The following POLQ variants were observed in gnomAD, a reference collection of about 807,000 sequenced individuals.
The protein encoded by POLQ is epididymis secretory sperm binding protein.
In POLQ, 233 loss-of-function variants were observed where a neutral mutation model predicts 259.2. The ratio of observed to expected loss-of-function variants is 0.90; its 90% confidence interval spans 0.81 to 1.00. The LOEUF is 1.00. Among genes scored for constraint, POLQ ranks in the 50% least tolerant of loss-of-function variants. The pLI, the probability that POLQ is intolerant of heterozygous loss-of-function variation, is 0.00. For synonymous variants in POLQ, 1,025 were observed against 1,048.8 expected (o/e 0.98, Z 0.44); for missense variants, 2,871 against 3,051.6 (o/e 0.94, Z 1.39).
In POLQ at chr3:121,457,680, A is replaced by G. The variant is rs1247300809; in HGVS notation, c.7152+2370T>C. Among the ~76,000 whole-genome samples, 5 of 152,210 alleles carry G rather than the reference A, an allele frequency of 3.3e-5. No homozygotes were observed. In the South Asian group the frequency reaches 8.3e-4, roughly 25 times the overall value. The stretch of plus-strand genomic sequence containing the variant: ...CAGAGAAATGCAAATCAAAACCACA[A>G]TGAGATACCATCTCATACCAGTTAG... On this transcript the variant is annotated intron_variant, in intron 25 of 29. Coordinates refer to ENST00000264233, the MANE Select transcript of POLQ (RefSeq NM_199420.4).
At chr3:121,450,359 TTTTA>T (rs1318017022) in intron 25 of POLQ, among the ~76,000 whole-genome samples, 1 of 151,828 alleles carries the variant, frequency 6.6e-6, no homozygotes, top group Non-Finnish European at 1.5e-5. Flanking sequence ...TTTTTCGCTT[TTTTA>T]TTATTTATTT....
intron 10 of POLQ, among the ~76,000 whole-genome samples, chr3:121,511,094 C>T (rs957400344): frequency 4.6e-5 from 7 of 152,082 alleles, no homozygotes; most frequent in South Asian, 2.1e-4. Flanking sequence ...GGCGTGGTGG[C>T]GGGCGCCTGT....
At chr3:121,539,998 T>C (rs1299211841) in intron 3 of POLQ, among the ~76,000 whole-genome samples, 1 of 152,136 alleles carries the variant, frequency 6.6e-6, no homozygotes, top group African/African-American at 2.4e-5. Flanking sequence ...AATGACCAAT[T>C]TTTTAATGTA....
chr3:121,477,388 T>C (rs1338987646), intron 19 of POLQ, among the ~76,000 whole-genome samples: 2 of 152,210 alleles, frequency 1.3e-5, no homozygotes, highest in Non-Finnish European at 2.9e-5. Context: ...GCTATGTCTA[T>C]AGGTATATAT....
intron 21 of POLQ, among the ~76,000 whole-genome samples, chr3:121,472,371 T>A (rs1294315432): frequency 1.1e-4 from 16 of 152,198 alleles, no homozygotes; most frequent in Admixed American, 9.8e-4. Context: ...TACTGAGCAG[T>A]ATCAATTTAA....
chr3:121,537,346 G>T lies in POLQ; in HGVS notation c.632-138C>A, dbSNP rs74405190. 4.6e-3 allele frequency: 2,876 copies of T among 627,250 alleles called. 66 individuals carry two copies. The African/African-American group carries it at 0.048, about 10-fold the overall frequency. The allele number at this position is 627,250 out of a possible 1,614,324, so 38.9% of individuals were successfully genotyped here. A position where few individuals can be genotyped will look rare whatever the true frequency, so the allele number is the denominator to read the frequency against. On this transcript the variant is annotated intron_variant, in intron 4 of 29. Coordinates refer to ENST00000264233, the MANE Select transcript of POLQ (RefSeq NM_199420.4). ...GATTTGGGGGTACATGTGAAGGTCT[G>T]TTACCTGGGTATATTGTGTAATGCT... is the stretch of plus-strand genomic sequence containing the variant.
At chr3:121,444,057 T>C (rs1407938545) in intron 26 of POLQ, among the ~76,000 whole-genome samples, 1 of 152,220 alleles carries the variant, frequency 6.6e-6, no homozygotes, top group Non-Finnish European at 1.5e-5. Context: ...AGGATAGCTT[T>C]GGCTATTCTA....
intron 16 of POLQ, among the ~76,000 whole-genome samples, chr3:121,486,823 C>G (rs2048015377): frequency 1.3e-5 from 2 of 150,412 alleles, no homozygotes; most frequent in Non-Finnish European, 3.0e-5. Flanking sequence ...AGATCAAGAT[C>G]ACACCACTGC....
intron 7 of POLQ, 40 bp downstream of exon 7, chr3:121,529,605 G>A (rs1319870060): frequency 4.4e-6 from 7 of 1,586,040 alleles, no homozygotes; most frequent in South Asian, 1.1e-5. Context: ...TCAAGCAAAT[G>A]TACTAAGCAT....
intron 25 of POLQ, among the ~76,000 whole-genome samples, chr3:121,455,330 A>G (rs1177992456): frequency 6.9e-6 from 1 of 144,122 alleles, no homozygotes; most frequent in East Asian, 2.0e-4. Flanking sequence ...GAACTAGAAA[A>G]GCAAGAGCAA....
rs746963803 is a variant in POLQ at position 121,545,702 on chromosome 3, G to A, written c.163+13C>T. 1.3e-6 allele frequency: 2 copies of A among 1,542,890 alleles called. No individual in the cohort carries two copies. Among genetic ancestry groups the A allele is most frequent in the Non-Finnish European group, 1.7e-6 (2 of 1,145,254 alleles). On this transcript the variant is annotated intron_variant, in intron 1 of 29. Coordinates refer to ENST00000264233, the MANE Select transcript of POLQ (RefSeq NM_199420.4). Reference sequence around the variant, plus strand: ...GCCCCCGTTGCCCGCGGCCTCCCGGGTTCCTGGAGCACCTGCAGCTGCGGC... The same window carrying A: ...GCCCCCGTTGCCCGCGGCCTCCCGGATTCCTGGAGCACCTGCAGCTGCGGC...
chr3:121,451,703 G>A (rs2047678751), intron 25 of POLQ, among the ~76,000 whole-genome samples: 1 of 152,220 alleles, frequency 6.6e-6, no homozygotes, highest in Non-Finnish European at 1.5e-5. Flanking sequence ...CTCCTACTGG[G>A]GGGTGCCTCC....
chr3:121,492,467 A>T (rs1281145260), intron 15 of POLQ, among the ~76,000 whole-genome samples: 1 of 152,234 alleles, frequency 6.6e-6, no homozygotes, highest in Non-Finnish European at 1.5e-5. Flanking sequence ...GGACACTAGC[A>T]TTCCAAAGAA....
At chr3:121,528,594 CA>C (rs2048388692) in intron 7 of POLQ, among the ~76,000 whole-genome samples, 1 of 152,046 alleles carries the variant, frequency 6.6e-6, no homozygotes, top group Non-Finnish European at 1.5e-5. Context: ...CCACCCTCCT[CA>C]GCCTCCCAAA....
intron 20 of POLQ, among the ~76,000 whole-genome samples, chr3:121,474,766 G>C (rs2047912943): frequency 6.6e-6 from 1 of 152,162 alleles, no homozygotes; most frequent in Non-Finnish European, 1.5e-5. Flanking sequence ...ATGAACATAT[G>C]CATGTATAGG....
In POLQ at chr3:121,510,081, T is replaced by G; in HGVS notation, c.1774A>C (p.Asn592His). Reference sequence around the variant, plus strand: ...GCTTCTGTACTCTGGATGAATTCATTTTCTAGTAGCCACATCACACAGGCC... The same window carrying G: ...GCTTCTGTACTCTGGATGAATTCATGTTCTAGTAGCCACATCACACAGGCC... Reference protein sequence around the residue: ...IEACVMWLLENEFIQSTEASD... With the variant: ...IEACVMWLLEHEFIQSTEASD... The change falls in exon 11 of 30, where the codon AAT becomes CAT. Residue 592 changes from asparagine to histidine, a missense_variant. By Grantham distance (68) the Asn-to-His change is moderately conservative. Transcript: ENST00000264233. 1 of 1,614,086 alleles carries G rather than the reference T, an allele frequency of 6.2e-7. No homozygotes were observed. The highest frequency in any genetic ancestry group is 1.1e-5 in the South Asian group (1 of 91,080).
intron 23 of POLQ, 119 bp from the exon 24 acceptor site, chr3:121,467,759 G>T: frequency 9.8e-7 from 1 of 1,016,652 alleles, no homozygotes; most frequent in Non-Finnish European, 1.5e-6. Flanking sequence ...CCTTACTGAG[G>T]GCTGGGTGTG....
At chr3:121,484,513 C>T (rs918885866) in intron 17 of POLQ, among the ~76,000 whole-genome samples, 2 of 152,152 alleles carry the variant, frequency 1.3e-5, no homozygotes, top group African/African-American at 4.8e-5. Context: ...TGAATAGCCT[C>T]GTGTGACAGG....
intron 2 of POLQ, among the ~76,000 whole-genome samples, chr3:121,542,140 A>AC (rs2048494801): frequency 6.6e-6 from 1 of 151,676 alleles, no homozygotes; most frequent in East Asian, 1.9e-4. Context: ...CGTCTCAAAA[A>AC]GGAAAAAAAA....
Sources: allele counts gnomAD v4.1 joint callset (sites outside exome capture counted in the v4.1 genomes callset), GRCh38; gene constraint gnomAD v4.1.1; transcripts MANE v1.5; gene names NCBI Gene and HGNC (gene_info 2026-07-23, HGNC 2026-07-21).